CLVS1: variants seen among roughly 807,000 people sequenced by gnomAD.
CLVS1 encodes the protein clavesin-1.
A neutral mutation model predicts 33.1 loss-of-function variants in CLVS1; 10 were observed. That is an observed-to-expected ratio of 0.30 (90% CI 0.19 to 0.51). The LOEUF (loss-of-function observed/expected upper bound fraction) is 0.51. CLVS1 is among the 20% of genes least tolerant of loss of function. The pLI is 0.97. For missense variants in CLVS1, 343 were observed against 433.4 expected, an observed-to-expected ratio of 0.79 and a Z score of 1.85; for synonymous variants, 163 against 166.1, an observed-to-expected ratio of 0.98 and a Z score of 0.14.
At chr8:61,406,900 CGCCAGGCCGACATAAA>C (rs1815014388) in intron 3 of CLVS1, among the ~76,000 whole-genome samples, 1 of 152,150 alleles carries the variant, frequency 6.6e-6, no homozygotes, top group Non-Finnish European at 1.5e-5. Context: ...CGAGCTGCCG[CGCCAGGCCGACATAAA>C]ATTCTTTCTA....
At chr8:61,063,813 C>A (rs982343222) in intron 1 of CLVS1, among the ~76,000 whole-genome samples, 3 of 152,114 alleles carry the variant, frequency 2.0e-5, no homozygotes, top group East Asian at 3.9e-4. Context: ...CACAATCATC[C>A]CCCCTATGTT....
intron 2 of CLVS1, among the ~76,000 whole-genome samples, chr8:61,279,656 A>C (rs1809630397): frequency 6.6e-6 from 1 of 152,208 alleles, no homozygotes; most frequent in South Asian, 2.1e-4. Context: ...AGAAGGATGT[A>C]AACTTGAACT....
intron 3 of CLVS1, among the ~76,000 whole-genome samples, chr8:61,390,396 A>C (rs559183870): frequency 6.6e-6 from 1 of 152,330 alleles, no homozygotes; most frequent in East Asian, 1.9e-4. Context: ...TGATGACATG[A>C]AGAATTCTTT....
intron 3 of CLVS1, among the ~76,000 whole-genome samples, chr8:61,440,676 G>A (rs781642775): frequency 2.0e-5 from 3 of 152,174 alleles, no homozygotes; most frequent in Non-Finnish European, 4.4e-5. Context: ...GCTTAATATG[G>A]TTAGGACAAT....
At chr8:61,373,580 T>A (rs988989019) in intron 2 of CLVS1, among the ~76,000 whole-genome samples, 2 of 152,204 alleles carry the variant, frequency 1.3e-5, no homozygotes, top group Non-Finnish European at 2.9e-5. Flanking sequence ...AGAGATTAAG[T>A]AATTTGCTTA....
chr8:61,300,505 T>C (rs546323252), intron 2 of CLVS1: 1 of 450,622 alleles, frequency 2.2e-6, no homozygotes, highest in South Asian at 4.8e-5. Flanking sequence ...GAAGTCATTA[T>C]TCTTTTCATC....
At chr8:61,104,710 T>A (rs1805504332) in intron 1 of CLVS1, among the ~76,000 whole-genome samples, 1 of 152,216 alleles carries the variant, frequency 6.6e-6, no homozygotes, top group South Asian at 2.1e-4. Flanking sequence ...AGAGACCAGG[T>A]CTTGCTCTGA....
chr8:61,056,186 C>A (rs1804470724), upstream of CLVS1, among the ~76,000 whole-genome samples: 1 of 152,188 alleles, frequency 6.6e-6, no homozygotes, highest in Non-Finnish European at 1.5e-5. Context: ...TTTCTGCCTC[C>A]TGTGGCCATA....
chr8:61,197,703 A>G (rs944052074), intron 2 of CLVS1, among the ~76,000 whole-genome samples: 12 of 152,200 alleles, frequency 7.9e-5, no homozygotes, highest in African/African-American at 2.9e-4. Context: ...TATTTTTAGC[A>G]GAGATGGGAT....
At chr8:61,060,612 G>A (rs980775779) in intron 1 of CLVS1, among the ~76,000 whole-genome samples, 7 of 151,954 alleles carry the variant, frequency 4.6e-5, no homozygotes, top group Non-Finnish European at 7.4e-5. Flanking sequence ...TGCCCACAGC[G>A]CCCCTTCCCA....
At position 61,079,789 on chromosome 8, in the gene CLVS1, G is replaced by GAA. The variant is rs58456052; in HGVS notation, c.-243+22568_-243+22569dup. Among the ~76,000 whole-genome samples the GAA allele has an allele frequency of 4.4e-3, 664 of 149,876 alleles. 5 individuals are homozygous for GAA. Among genetic ancestry groups the GAA allele is most frequent in the African/African-American group, 0.015 (600 of 40,952 alleles). ...ATTTATTTTAGCAAAAAGCCATTAG[G>GAA]AAAAAAAAAACACGTCAATAGATCT... On this transcript the variant is annotated intron_variant, in intron 1 of 2. Transcript: ENST00000522621.
intron 5 of CLVS1, among the ~76,000 whole-genome samples, chr8:61,491,473 CA>C (rs1804087295): frequency 6.6e-6 from 1 of 152,104 alleles, no homozygotes; most frequent in African/African-American, 2.4e-5. Context: ...ATAACAACTT[CA>C]AAAAGAACTT....
At chr8:61,218,024 A>T (rs1808127062) in intron 2 of CLVS1, among the ~76,000 whole-genome samples, 1 of 152,220 alleles carries the variant, frequency 6.6e-6, no homozygotes, top group Non-Finnish European at 1.5e-5. Flanking sequence ...GATGATATGG[A>T]GAAACGGGGA....
At chr8:60,968,952 G>C in the CLVS1 span, among the ~76,000 whole-genome samples, 2 of 151,542 alleles carry the variant, frequency 1.3e-5, no homozygotes, top group Non-Finnish European at 3.0e-5. Context: ...GGCCAGGCAT[G>C]GTGCTATGGA....
chr8:61,055,045 G>T (rs993113206), upstream of CLVS1, among the ~76,000 whole-genome samples: 2 of 152,160 alleles, frequency 1.3e-5, no homozygotes, highest in African/African-American at 4.8e-5. Context: ...AACTGTGGTT[G>T]AGACTTCCTT....
At chr8:60,987,646 G>C in the CLVS1 span, among the ~76,000 whole-genome samples, 1 of 152,290 alleles carries the variant, frequency 6.6e-6, no homozygotes, top group East Asian at 1.9e-4. Flanking sequence ...TTACTTTACA[G>C]GGATGTTATG....
In CLVS1 at chr8:61,155,782, T is replaced by C. The variant is rs558941708; in HGVS notation, c.-152+23922T>C. The stretch of plus-strand genomic sequence containing the variant: ...CTCTGAGGCTCTCTTTATCCAGATC[T>C]AGGAAAGATGAACTCACAAGAAAAG... On this transcript the variant is annotated intron_variant, in intron 2 of 2. Transcript: ENST00000522621. Among the ~76,000 whole-genome samples, 57 of 152,064 alleles carry C rather than the reference T, an allele frequency of 3.7e-4. 1 individual carries two copies. Among genetic ancestry groups the C allele is most frequent in the South Asian group, 2.5e-3 (12 of 4,818 alleles).
At chr8:61,183,157 G>T (rs1427692731) in intron 2 of CLVS1, among the ~76,000 whole-genome samples, 1 of 150,688 alleles carries the variant, frequency 6.6e-6, no homozygotes, top group Non-Finnish European at 1.5e-5. Flanking sequence ...CAGGGCGGAG[G>T]GGGGCAGGCA....
chr8:61,422,483 T>C (rs1038179823), intron 3 of CLVS1, among the ~76,000 whole-genome samples: 15 of 152,186 alleles, frequency 9.9e-5, no homozygotes, highest in African/African-American at 3.6e-4. Flanking sequence ...GAATCAATGT[T>C]ATTTGCCTTG....
Sources: allele counts gnomAD v4.1 joint callset (sites outside exome capture counted in the v4.1 genomes callset), GRCh38; gene constraint gnomAD v4.1.1; transcripts MANE v1.5; gene names NCBI Gene and HGNC (gene_info 2026-07-23, HGNC 2026-07-21).